DMRT1: variants seen among roughly 807,000 people sequenced by gnomAD.
The protein encoded by DMRT1 is doublesex and mab-3 related transcription factor 1.
DMRT1 carries 7 observed loss-of-function variants against 32.3 expected under a neutral mutation model. The observed-to-expected ratio is 0.22, with a 90% CI of 0.12 to 0.41. DMRT1 has a LOEUF of 0.41. Among genes scored for constraint, DMRT1 ranks in the 10% least tolerant of loss-of-function variants. The probability of loss-of-function intolerance (pLI) is 1.00; values close to 1 mark genes in which losing one functional copy is unlikely to be tolerated. For missense variants in DMRT1, 625 were observed against 500.5 expected (o/e 1.25, Z -2.37); for synonymous variants, 278 against 206.1 (o/e 1.35, Z -2.99).
In DMRT1 at chr9:866,935, G is replaced by A. The variant is rs7864221; in HGVS notation, c.538+19792G>A. 2.2e-3 allele frequency among the ~76,000 whole-genome samples: 339 copies of A among 152,230 alleles called. 2 individuals are homozygous for A. The highest frequency in any genetic ancestry group is 7.6e-3 in the African/African-American group (317 of 41,522). ...TGAATAAGCGGCCTTATTGGTTTGGGGTTGTTAGCTTTGGGTGTGCTATTT... is the reference window on the plus strand; with the variant it reads ...TGAATAAGCGGCCTTATTGGTTTGGAGTTGTTAGCTTTGGGTGTGCTATTT... On this transcript the variant is annotated intron_variant, in intron 2 of 4. Coordinates refer to ENST00000382276, the MANE Select transcript of DMRT1 (RefSeq NM_021951.3).
chr9:882,912 C>T (rs1219331869), intron 2 of DMRT1, among the ~76,000 whole-genome samples: 2 of 151,904 alleles, frequency 1.3e-5, no homozygotes, highest in East Asian at 3.9e-4. Context: ...GCTGGGATTA[C>T]AGGTGCCTGC....
chr9:876,032 G>T (rs899242043), intron 2 of DMRT1, among the ~76,000 whole-genome samples: 9 of 152,206 alleles, frequency 5.9e-5, no homozygotes, highest in Non-Finnish European at 1.2e-4. Flanking sequence ...AGTTGACACA[G>T]TATGGCATGC....
intron 4 of DMRT1, among the ~76,000 whole-genome samples, chr9:961,495 T>C: frequency 6.6e-6 from 1 of 152,138 alleles, no homozygotes; most frequent in East Asian, 1.9e-4. Context: ...ATAATGCTAT[T>C]TTCTGTTTGG....
chr9:861,335 T>G (rs1420523922), intron 2 of DMRT1, among the ~76,000 whole-genome samples: 1 of 152,162 alleles, frequency 6.6e-6, no homozygotes. Context: ...CTTAATCCAT[T>G]TAACCCTTAG....
intron 4 of DMRT1, among the ~76,000 whole-genome samples, chr9:918,014 G>T (rs559741052): frequency 1.9e-4 from 29 of 152,274 alleles, no homozygotes; most frequent in African/African-American, 6.7e-4. Flanking sequence ...TGTGCCCATA[G>T]GTCCTTCTTT....
chr9:855,392 C>G (rs1316876028), intron 2 of DMRT1, among the ~76,000 whole-genome samples: 1 of 152,174 alleles, frequency 6.6e-6, no homozygotes, highest in South Asian at 2.1e-4. Flanking sequence ...TTGTGAAAAT[C>G]TAATCTTTAA....
In DMRT1 at chr9:965,926, A is replaced by G. The variant is rs1204547585; in HGVS notation, c.968-2059A>G. On this transcript the variant is annotated intron_variant, in intron 4 of 4. Coordinates refer to ENST00000382276, the MANE Select transcript of DMRT1 (RefSeq NM_021951.3). The surrounding 1 kb of genome is among the most constrained non-coding windows in gnomAD (Gnocchi z 4.5). ...TGGTTTGAGGGTGAAATACCTCACT[A>G]AAGTATGTGTGTGGCATACAGGTAG... Among the ~76,000 whole-genome samples, 5 of 152,300 alleles carry G rather than the reference A, an allele frequency of 3.3e-5. No individual in the cohort carries two copies. The East Asian group carries it at 7.7e-4, about 23-fold the overall frequency.
chr9:868,136 C>T (rs761728459), intron 2 of DMRT1, among the ~76,000 whole-genome samples: 1 of 152,198 alleles, frequency 6.6e-6, no homozygotes, highest in African/African-American at 2.4e-5. Flanking sequence ...AGCCACCATG[C>T]CCGGCTAAGT....
chr9:913,239 T>G (rs1433780167), intron 3 of DMRT1, among the ~76,000 whole-genome samples: 2 of 152,190 alleles, frequency 1.3e-5, no homozygotes, highest in Non-Finnish European at 2.9e-5. Context: ...AGAACTGGCT[T>G]GAAGATATTG....
rs747137694 is a variant in DMRT1 at position 893,918 on chromosome 9, G to T, written c.545G>T (p.Arg182Leu). Residue 182 changes from arginine (R) to leucine (L), a missense_variant, in exon 3 of 5, where the codon CGT becomes CTT. Physicochemically the swap from Arg to Leu is moderately radical, Grantham distance 102. This residue lies in a region of DMRT1 where 416 missense variants were observed against 321.6 expected (regional missense o/e 1.29). Coordinates refer to ENST00000382276, the MANE Select transcript of DMRT1 (RefSeq NM_021951.3). Reference protein sequence around the residue: ...SVPTTAASEGRMVIQDIPAVT... With the variant: ...SVPTTAASEGLMVIQDIPAVT... ...CTTTTTTCTTCCAATTTAGAGGGAC[G>T]TATGGTCATCCAGGATATTCCTGCT... 8 of 1,613,854 alleles carry T rather than the reference G, an allele frequency of 5.0e-6. No homozygotes were observed. The South Asian group carries it at 6.6e-5, about 13-fold the overall frequency.
intron 4 of DMRT1, among the ~76,000 whole-genome samples, chr9:926,687 TAG>T (rs57146042): frequency 0.083 from 2,246 of 27,086 alleles, 56 homozygotes; most frequent in East Asian, 0.47. Context: ...AAGACACAGG[TAG>T]AGAGAGAGAG....
chr9:850,040 A>G (rs554204787), intron 2 of DMRT1, among the ~76,000 whole-genome samples: 1 of 152,312 alleles, frequency 6.6e-6, no homozygotes, highest in South Asian at 2.1e-4. Context: ...GCTGGTCTCG[A>G]ACTCCCGACC....
At chr9:926,587 G>C (rs541343614) in intron 4 of DMRT1, among the ~76,000 whole-genome samples, 2 of 151,962 alleles carry the variant, frequency 1.3e-5, no homozygotes, top group Non-Finnish European at 2.9e-5. Context: ...TTGCTTTTAC[G>C]ACTTTAATTT....
intron 2 of DMRT1, among the ~76,000 whole-genome samples, chr9:891,710 G>A (rs1384258747): frequency 6.7e-6 from 1 of 149,934 alleles, no homozygotes; most frequent in Non-Finnish European, 1.5e-5. Context: ...ATTTTTAGTA[G>A]AGACAGGGTT....
intron 3 of DMRT1, 89 bp from the exon 4 acceptor site, chr9:916,674 T>C (rs1359946862): frequency 5.9e-6 from 9 of 1,519,526 alleles, no homozygotes; most frequent in Non-Finnish European, 7.3e-6. Context: ...GCCCAGCCTG[T>C]TACCTTGTTT....
intron 2 of DMRT1, among the ~76,000 whole-genome samples, chr9:857,315 T>A (rs7869068): frequency 0.76 from 115,616 of 151,536 alleles, 44,675 homozygotes; most frequent in African/African-American, 0.81. Context: ...TCAAAAAAAA[T>A]ATATATATGT....
intron 4 of DMRT1, among the ~76,000 whole-genome samples, chr9:921,877 C>G (rs1012408190): frequency 2.0e-5 from 3 of 152,148 alleles, no homozygotes; most frequent in African/African-American, 7.2e-5. Flanking sequence ...GAGACACACA[C>G]TGCATCCAGC....
intron 3 of DMRT1, among the ~76,000 whole-genome samples, chr9:907,141 T>C (rs1199942372): frequency 2.6e-5 from 4 of 152,292 alleles, no homozygotes; most frequent in East Asian, 3.9e-4. Context: ...TTAAGAAGCA[T>C]TGTAGATGCC....
intron 2 of DMRT1, among the ~76,000 whole-genome samples, chr9:863,901 A>G (rs896970431): frequency 5.3e-5 from 8 of 152,182 alleles, no homozygotes; most frequent in Admixed American, 3.9e-4. Flanking sequence ...CCCGGCCAAC[A>G]TCAAGAATTT....
Sources: allele counts gnomAD v4.1 joint callset (sites outside exome capture counted in the v4.1 genomes callset), GRCh38; gene constraint gnomAD v4.1.1; regional missense constraint gnomAD v4.1.1; non-coding constraint Gnocchi (gnomAD v3.1); transcripts MANE v1.5; gene names NCBI Gene and HGNC (gene_info 2026-07-23, HGNC 2026-07-21).